Variants in NFATC2 observed in about 807,000 individuals in gnomAD.
The protein encoded by NFATC2 is nuclear factor of activated T-cells, cytoplasmic 2.
NFATC2 carries 22 observed loss-of-function variants against 87.3 expected under a neutral mutation model. The ratio of observed to expected loss-of-function variants is 0.25; its 90% CI spans 0.18 to 0.36. The LOEUF (loss-of-function observed/expected upper bound fraction) is 0.36. Among genes scored for constraint, NFATC2 ranks in the 10% least tolerant of loss-of-function variants. The probability of loss-of-function intolerance (pLI) is 1.00; values close to 1 mark genes in which losing one functional copy is unlikely to be tolerated. For synonymous variants in NFATC2, 565 were observed against 542.2 expected (o/e 1.04, Z -0.58); for missense variants, 1,149 against 1,259.1 (o/e 0.91, Z 1.32).
At chr20:51,466,613 C>T (rs1987713008) in intron 5 of NFATC2, among the ~76,000 whole-genome samples, 1 of 152,130 alleles carries the variant, frequency 6.6e-6, no homozygotes, top group Non-Finnish European at 1.5e-5. Flanking sequence ...GAGCCCCAAA[C>T]ATGAAACCAG....
intron 8 of NFATC2, 28 bp downstream of exon 8, chr20:51,435,160 C>T: frequency 6.2e-7 from 1 of 1,613,066 alleles, no homozygotes; most frequent in Non-Finnish European, 8.5e-7. Context: ...CTCTCAATAA[C>T]AAAGGGGTCA....
At chr20:51,405,731 G>C (rs777459650) in intron 9 of NFATC2, among the ~76,000 whole-genome samples, 1 of 152,172 alleles carries the variant, frequency 6.6e-6, no homozygotes, top group Non-Finnish European at 1.5e-5. Flanking sequence ...CACATAGTAG[G>C]TGCTCAGTAA....
At chr20:51,459,200 T>C (rs957773983) in intron 5 of NFATC2, among the ~76,000 whole-genome samples, 5 of 152,224 alleles carry the variant, frequency 3.3e-5, no homozygotes, top group Admixed American at 1.3e-4. Flanking sequence ...GGTCTATCCA[T>C]GCAGAATATT....
At chr20:51,526,733 C>T (rs894016567) in intron 1 of NFATC2, among the ~76,000 whole-genome samples, 1 of 152,152 alleles carries the variant, frequency 6.6e-6, no homozygotes, top group South Asian at 2.1e-4. Context: ...AAGCTGATCT[C>T]TTAGGGTCCA....
At chr20:51,397,935 A>G (rs534337495) in intron 10 of NFATC2, among the ~76,000 whole-genome samples, 1 of 152,150 alleles carries the variant, frequency 6.6e-6, no homozygotes, top group Non-Finnish European at 1.5e-5. Context: ...TCAATGTCTC[A>G]TCTGGACTTC....
At chr20:51,485,117 C>T (rs985427322) in intron 3 of NFATC2, among the ~76,000 whole-genome samples, 2 of 152,186 alleles carry the variant, frequency 1.3e-5, no homozygotes, top group Non-Finnish European at 1.5e-5. Context: ...CCGAAACATG[C>T]TAGATTTGTT....
At position 51,439,565 on chromosome 20, in the gene NFATC2, C is replaced by G. The variant is rs553132451; in HGVS notation, c.1850-3804G>C. On this transcript the variant is annotated intron_variant, in intron 6 of 10. Coordinates refer to ENST00000371564, the MANE Select transcript of NFATC2 (RefSeq NM_012340.5). ...TGAGCCGCCACATCCCACAGCCTCC[C>G]CAGAGCCTGGTAAGTGTGGGTCACA... Among the ~76,000 whole-genome samples, 181 of 152,362 alleles carry G rather than the reference C, an allele frequency of 1.2e-3. 7 individuals carry two copies. The South Asian group carries it at 0.035, about 29-fold the overall frequency.
At position 51,432,309 on chromosome 20, in the gene NFATC2, T is replaced by G. The variant is rs748033725; in HGVS notation, c.2480A>C (p.Glu827Ala). 1 of 1,614,210 alleles carries G rather than the reference T, an allele frequency of 6.2e-7. No individual in the cohort carries two copies. Among genetic ancestry groups the G allele is most frequent in the Admixed American group, 1.7e-5 (1 of 60,026 alleles). The part of the protein sequence containing the change: ...NQQLRCGSHQ[E>A]FQHIMYCENF... The stretch of plus-strand genomic sequence containing the variant: ...CTCGCAGTACATGATGTGCTGGAAC[T>G]CCTGGTGGCTTCCGCAGCGCAGCTG... The change falls in exon 9 of 11, where the codon GAG (glutamate) becomes GCG (alanine). Residue 827 changes from glutamate (E) to alanine (A), a missense_variant. Glu to Ala is a moderately radical substitution (Grantham distance 107). Transcript: ENST00000371564. This position sits in a 1 kb window ranked among gnomAD's most constrained non-coding sequence, Gnocchi z 4.6.
chr20:51,435,204 G>T lies in NFATC2; in HGVS notation c.2016C>A (p.His672Gln). Reference sequence around the variant, plus strand: ...ACTCCTTACCTGGGTGGTAGGTAAAGTGCTGAGGCTGACTTCGTTTTCTCT... The same window carrying T: ...ACTCCTTACCTGGGTGGTAGGTAAATTGCTGAGGCTGACTTCGTTTTCTCT... ...NGKRKRSQPQ[H>Q]FTYHPVPAIK... Residue 672 changes from histidine (H) to glutamine (Q), a missense_variant, in exon 8 of 11, where the codon CAC becomes CAA. Physicochemically the swap from His to Gln is conservative, Grantham distance 24. Around this residue, in one of 3 missense-constraint regions of NFATC2, gnomAD observed 581 missense variants for 649.7 expected, o/e 0.89. Coordinates refer to ENST00000371564, the MANE Select transcript of NFATC2 (RefSeq NM_012340.5). 1 of 1,614,198 alleles carries T rather than the reference G, an allele frequency of 6.2e-7. No homozygotes were observed. The highest frequency in any genetic ancestry group is 1.1e-5 in the South Asian group (1 of 91,086).
upstream of NFATC2, among the ~76,000 whole-genome samples, chr20:51,546,953 C>A (rs115128765): frequency 1.3e-4 from 20 of 152,076 alleles, 1 homozygote; most frequent in African/African-American, 4.6e-4. Flanking sequence ...GATGGAGGAC[C>A]CGAAAGAAGA....
At position 51,562,604 on chromosome 20, in the gene NFATC2, A is replaced by T; in HGVS notation, c.26T>A (p.Leu9Gln). The T allele has an allele frequency of 6.4e-7, 1 of 1,551,292 alleles. No homozygotes were observed. Among genetic ancestry groups the T allele is most frequent in the South Asian group, 1.2e-5 (1 of 84,022 alleles). ...GATGCGGAGGGGATGGCAGTGCCCC[A>T]GTCTGAACGCAGCCTCTCTCTGCAT... Residue 9 changes from leucine (L) to glutamine (Q), a missense_variant, in exon 1 of 11, where the codon CTG (leucine) becomes CAG (glutamine). Physicochemically the swap from Leu to Gln is moderately radical, Grantham distance 113. Coordinates refer to the NFATC2 transcript ENST00000414705. The surrounding 1 kb of genome is among the most constrained non-coding windows in gnomAD (Gnocchi z 5.8).
chr20:51,489,387 C>T (rs1568681622), intron 3 of NFATC2, among the ~76,000 whole-genome samples: 1 of 152,132 alleles, frequency 6.6e-6, no homozygotes, highest in Non-Finnish European at 1.5e-5. Context: ...AAGAAGGAAC[C>T]CAGATTCCTA....
At chr20:51,405,565 G>T (rs750462328) in intron 9 of NFATC2, among the ~76,000 whole-genome samples, 3 of 152,172 alleles carry the variant, frequency 2.0e-5, no homozygotes, top group Non-Finnish European at 4.4e-5. Context: ...TGGTGTTTTG[G>T]GAGGGAGTAG....
intron 6 of NFATC2, among the ~76,000 whole-genome samples, chr20:51,436,213 C>G (rs1983542067): frequency 6.6e-6 from 1 of 152,018 alleles, no homozygotes; most frequent in South Asian, 2.1e-4. Context: ...ACCCATGTAA[C>G]AAACCACATG....
chr20:51,554,920 T>C (rs1183975214), intron 1 of NFATC2, among the ~76,000 whole-genome samples: 2 of 152,198 alleles, frequency 1.3e-5, no homozygotes, highest in African/African-American at 4.8e-5. Flanking sequence ...AAAGCACATC[T>C]GAAGTGGTTC....
intron 9 of NFATC2, among the ~76,000 whole-genome samples, chr20:51,406,524 G>A (rs1234526971): frequency 6.6e-6 from 1 of 152,242 alleles, no homozygotes; most frequent in Admixed American, 6.5e-5. Flanking sequence ...TGGTGCTGGT[G>A]TATTACAAGA....
intron 5 of NFATC2, among the ~76,000 whole-genome samples, chr20:51,472,250 T>C (rs1196570692): frequency 6.6e-6 from 1 of 152,118 alleles, no homozygotes; most frequent in East Asian, 1.9e-4. Context: ...GTGAGATTCC[T>C]TCTTAATAAA....
At chr20:51,460,068 G>T (rs181359961) in intron 5 of NFATC2, among the ~76,000 whole-genome samples, 50 of 152,300 alleles carry the variant, frequency 3.3e-4, no homozygotes, top group Admixed American at 2.0e-3. Context: ...AACAGCCCAT[G>T]CTTAGCACAC....
chr20:51,518,153 G>T (rs968641064), intron 2 of NFATC2, among the ~76,000 whole-genome samples: 5 of 152,156 alleles, frequency 3.3e-5, no homozygotes, highest in African/African-American at 1.2e-4. Context: ...AATTAATGAA[G>T]CTTATGTTAG....
Sources: gnomAD v4.1 joint callset for allele counts (sites outside exome capture counted in the v4.1 genomes callset) on GRCh38, gnomAD v4.1.1 for gene constraint, gnomAD v4.1.1 regional missense constraint, Gnocchi (gnomAD v3.1) non-coding constraint, MANE v1.5 for transcripts, NCBI Gene and HGNC (gene_info 2026-07-23, HGNC 2026-07-21) for gene names.